The following IFITM10 variants were observed in gnomAD, a reference collection of about 807,000 sequenced individuals.
The protein encoded by IFITM10 is interferon induced transmembrane protein 10, also known as interferon-induced transmembrane protein 10.
In IFITM10, 17 loss-of-function variants were observed where a neutral mutation model predicts 19.0. The observed-to-expected ratio is 0.90, with a 90% CI of 0.61 to 1.34. IFITM10 has a LOEUF of 1.34. IFITM10 is among the 40% of genes most tolerant of loss of function. IFITM10 has a pLI of 0.00. For synonymous variants in IFITM10, 148 were observed against 147.2 expected (o/e 1.01, Z -0.04); for missense variants, 306 against 319.8 (o/e 0.96, Z 0.33).
intron 2 of IFITM10, among the ~76,000 whole-genome samples, chr11:1,735,830 T>C (rs1294043764): frequency 1.3e-5 from 2 of 152,222 alleles, no homozygotes; most frequent in African/African-American, 4.8e-5. Context: ...AGAGAGGATA[T>C]AATTGGAGGA....
chr11:1,750,309 G>A (rs1355453547), intron 1 of IFITM10, 50 bp downstream of exon 1: 7 of 1,549,686 alleles, frequency 4.5e-6, no homozygotes, highest in Non-Finnish European at 5.2e-6. Flanking sequence ...CTCCCTCCAA[G>A]TCCCCCACTT....
intron 2 of IFITM10, chr11:1,745,823 C>G (rs961005709): frequency 1.3e-5 from 2 of 151,932 alleles, no homozygotes; most frequent in African/African-American, 2.4e-5. Context: ...TGCACACACC[C>G]TCACACACCC....
At chr11:1,739,135 G>C (rs948878324) in intron 2 of IFITM10, among the ~76,000 whole-genome samples, 2 of 151,124 alleles carry the variant, frequency 1.3e-5, no homozygotes, top group African/African-American at 4.9e-5. Context: ...AGGAATATAG[G>C]AACGGATGCC....
chr11:1,739,591 A>C (rs950495736), intron 2 of IFITM10, among the ~76,000 whole-genome samples: 3 of 152,178 alleles, frequency 2.0e-5, no homozygotes, highest in Non-Finnish European at 4.4e-5. Flanking sequence ...AAACCTGAAG[A>C]GGCTCAGGGG....
intron 2 of IFITM10, chr11:1,746,614 GTTGC>G: frequency 2.5e-6 from 1 of 398,664 alleles, no homozygotes; most frequent in South Asian, 1.3e-4. Context: ...GCCGACCGCA[GTTGC>G]GATGCCGGGC....
chr11:1,740,713 G>A (rs369649472), intron 2 of IFITM10, among the ~76,000 whole-genome samples: 1 of 152,158 alleles, frequency 6.6e-6, no homozygotes, highest in South Asian at 2.1e-4. Flanking sequence ...AATTTGAGAA[G>A]CATCGGCAAA....
chr11:1,748,248 GC>G, intron 1 of IFITM10, 129 bp from the exon 2 acceptor site: 1 of 706,760 alleles, frequency 1.4e-6, no homozygotes, highest in Non-Finnish European at 2.0e-6. Flanking sequence ...CTGCCAGCCT[GC>G]CACCTGCCTC....
At chr11:1,740,678 A>G (rs1475029686) in intron 2 of IFITM10, among the ~76,000 whole-genome samples, 3 of 152,200 alleles carry the variant, frequency 2.0e-5, no homozygotes, top group Non-Finnish European at 4.4e-5. Flanking sequence ...TGGAGTTCAG[A>G]GATGAGGTCT....
intron 2 of IFITM10, among the ~76,000 whole-genome samples, chr11:1,741,330 C>T (rs1441334529): frequency 6.6e-6 from 1 of 151,592 alleles, no homozygotes; most frequent in African/African-American, 2.4e-5. Flanking sequence ...AAAGGGGCAC[C>T]AGGGTGCTAG....
chr11:1,747,854 C>T lies in IFITM10; in HGVS notation c.350G>A (p.Arg117Gln), dbSNP rs777205567. ...GCAGGCAGGGGGCGCGCCGGCAGCC[C>T]GCACGCTGTCGGTCTTGCTGCTCTT... is the stretch of plus-strand genomic sequence containing the variant. ...ESKSSKTDSV[R>Q]AAGAPPACKH... Residue 117 changes from arginine to glutamine, a missense_variant, in exon 2 of 3, where the codon CGG (arginine) becomes CAG (glutamine). Coordinates refer to ENST00000340134, the MANE Select transcript of IFITM10 (RefSeq NM_001170820.4). 31 of 1,540,544 alleles carry T rather than the reference C, an allele frequency of 2.0e-5. No homozygotes were observed. Among genetic ancestry groups the T allele is most frequent in the East Asian group, 4.9e-5 (2 of 40,856 alleles).
chr11:1,750,232 T>G, intron 1 of IFITM10, 127 bp downstream of exon 1: 8 of 1,498,670 alleles, frequency 5.3e-6, no homozygotes, highest in Non-Finnish European at 6.3e-6. Context: ...TGACGCCAGC[T>G]GATCTTCCAT....
Position 1,750,509 on chromosome 11 carries a change from G to C in IFITM10, c.-67C>G. On this transcript the variant is annotated 5_prime_UTR_variant, in exon 1 of 3. Transcript: ENST00000340134. Reference sequence around the variant, plus strand: ...CTGCCACTCTCAACTGGCCTCCTGTGTCTCCGCAACCCTCTTTCCTGTCTG... The same window carrying C: ...CTGCCACTCTCAACTGGCCTCCTGTCTCTCCGCAACCCTCTTTCCTGTCTG... 5.8e-6 allele frequency: 9 copies of C among 1,542,694 alleles called. No individual in the cohort carries two copies. The highest frequency in any genetic ancestry group is 7.9e-6 in the Non-Finnish European group (9 of 1,141,788).
chr11:1,748,363 ACACT>A (rs1162055994), intron 1 of IFITM10: 6 of 404,696 alleles, frequency 1.5e-5, no homozygotes, highest in East Asian at 3.6e-5. Flanking sequence ...CTGCGCATAA[ACACT>A]CACCCACTGA....
intron 2 of IFITM10, 70 bp from the exon 3 acceptor site, chr11:1,735,499 C>T (rs1851077472): frequency 2.8e-6 from 4 of 1,436,408 alleles, no homozygotes; most frequent in Non-Finnish European, 3.8e-6. Flanking sequence ...TCCAGGAGCC[C>T]AGCAGAGCCG....
intron 2 of IFITM10, among the ~76,000 whole-genome samples, chr11:1,741,395 G>A (rs188133636): frequency 6.6e-6 from 1 of 152,064 alleles, no homozygotes; most frequent in East Asian, 1.9e-4. Flanking sequence ...GGATGAGGCA[G>A]CCATGTGGGG....
intron 2 of IFITM10, chr11:1,746,123 C>T (rs1845644962): frequency 6.8e-6 from 1 of 146,710 alleles, no homozygotes; most frequent in Admixed American, 6.8e-5. Context: ...TGCACATACC[C>T]TCACACATTG....
At chr11:1,749,040 C>T (rs1289089657) in intron 1 of IFITM10, 5 of 1,104,210 alleles carry the variant, frequency 4.5e-6, no homozygotes, top group African/African-American at 1.7e-5. Flanking sequence ...CGGCGCGCGG[C>T]CGGACCCCCT....
intron 2 of IFITM10, among the ~76,000 whole-genome samples, chr11:1,744,192 T>A (rs1029179236): frequency 1.3e-5 from 2 of 152,228 alleles, no homozygotes; most frequent in Non-Finnish European, 2.9e-5. Context: ...CCATGTGTCC[T>A]CTGTCCACCC....
At position 1,750,469 on chromosome 11, in the gene IFITM10, A is replaced by G; in HGVS notation, c.-27T>C. On this transcript the variant is annotated 5_prime_UTR_variant, in exon 1 of 3. Coordinates refer to ENST00000340134, the MANE Select transcript of IFITM10 (RefSeq NM_001170820.4). ...TCTCTCCAAGCCCCATCCTCCCATG[A>G]AACTCCTTTCTCCTCTGCCACTCTC... 2 of 1,550,112 alleles carry G rather than the reference A, an allele frequency of 1.3e-6. No homozygotes were observed. The highest frequency in any genetic ancestry group is 1.2e-5 in the South Asian group (1 of 84,020).
Sources: gnomAD v4.1 joint callset for allele counts (sites outside exome capture counted in the v4.1 genomes callset) on GRCh38, gnomAD v4.1.1 for gene constraint, MANE v1.5 for transcripts, NCBI Gene and HGNC (gene_info 2026-07-23, HGNC 2026-07-21) for gene names.